MXD4: variants seen among roughly 807,000 people sequenced by gnomAD.
The protein encoded by MXD4 is MAX dimerization protein 4, also known as Mad4 homolog.
MXD4 carries 16 observed loss-of-function variants against 24.5 expected under a neutral mutation model. That is an observed-to-expected ratio of 0.65 (90% confidence interval 0.44 to 0.99). The LOEUF (loss-of-function observed/expected upper bound fraction) is 0.99, where lower values mean the gene tolerates loss of function less well. MXD4 is among the 50% of genes least tolerant of loss of function. The probability of loss-of-function intolerance (pLI) is 0.00; values close to 1 mark genes in which losing one functional copy is unlikely to be tolerated. For synonymous variants in MXD4, 164 were observed against 134.2 expected (o/e 1.22, Z -1.54); for missense variants, 301 against 301.5 (o/e 1.00, Z 0.01).
intron 3 of MXD4, chr4:2,255,115 G>T (rs1020492992): frequency 7.9e-5 from 29 of 366,740 alleles, no homozygotes; most frequent in Middle Eastern, 4.0e-4. Context: ...GGGATGAGAA[G>T]GTGGAGGAGT....
chr4:2,259,004 G>A lies in MXD4; in HGVS notation c.165-993C>T, dbSNP rs1273173262. On this transcript the variant is annotated intron_variant, in intron 2 of 5. Transcript: ENST00000337190. Reference sequence around the variant, plus strand: ...CTCCCAGCTCCAGGCCACCTTCCGTGTCCAGGCAGGACCCCACAGGCCAGC... The same window carrying A: ...CTCCCAGCTCCAGGCCACCTTCCGTATCCAGGCAGGACCCCACAGGCCAGC... 6 of 455,048 alleles carry A rather than the reference G, an allele frequency of 1.3e-5. No individual in the cohort carries two copies. In the East Asian group the frequency reaches 4.2e-4, roughly 32 times the overall value. The allele number at this position is 455,048 out of a possible 1,614,324, so 28.2% of individuals were successfully genotyped here. A position where few individuals can be genotyped will look rare whatever the true frequency, so the allele number is the denominator to read the frequency against.
At position 2,258,030 on chromosome 4, in the gene MXD4, A is replaced by G. The variant is rs1221041401; in HGVS notation, c.165-19T>C. 1 of 1,613,532 alleles carries G rather than the reference A, an allele frequency of 6.2e-7. No individual in the cohort carries two copies. Among genetic ancestry groups the G allele is most frequent in the Non-Finnish European group, 8.5e-7 (1 of 1,179,910 alleles). On this transcript the variant is annotated intron_variant, in intron 2 of 5. Coordinates refer to ENST00000337190, the MANE Select transcript of MXD4 (RefSeq NM_006454.3). Reference sequence around the variant, plus strand: ...TGAAGACCTGTTTAGAAAGACAGAAAGACAGAGCTCACTCTTCTGCCTGCC... The same window carrying G: ...TGAAGACCTGTTTAGAAAGACAGAAGGACAGAGCTCACTCTTCTGCCTGCC...
At position 2,252,758 on chromosome 4, in the gene MXD4, A is replaced by C. The variant is rs1214892738; in HGVS notation, c.195-236T>G. On this transcript the variant is annotated intron_variant, in intron 3 of 5. Transcript: ENST00000337190. ...GCGCCCAGCTCACCATGGCCTGCAA[A>C]GCCTCAGCGCGTCACCGCCAGGCAT... 1.0e-5 allele frequency: 5 copies of C among 484,188 alleles called. No individual in the cohort carries two copies. The Admixed American group carries it at 1.1e-4, about 11-fold the overall frequency. The allele number at this position is 484,188 out of a possible 1,614,324, so 30.0% of individuals were successfully genotyped here.
chr4:2,256,690 G>C (rs1735437305), intron 3 of MXD4, among the ~76,000 whole-genome samples: 1 of 152,174 alleles, frequency 6.6e-6, no homozygotes. Flanking sequence ...GCCCCATGAG[G>C]CCCTGGCTAA....
At chr4:2,261,682 G>C in intron 2 of MXD4, 43 bp downstream of exon 2, 1 of 1,170,426 alleles carries the variant, frequency 8.5e-7, no homozygotes, top group African/African-American at 1.6e-5. Context: ...CGGGGGCGGG[G>C]GTTCGGACCG....
chr4:2,256,746 G>A (rs961479850), intron 3 of MXD4, among the ~76,000 whole-genome samples: 4 of 152,150 alleles, frequency 2.6e-5, no homozygotes, highest in African/African-American at 7.2e-5. Flanking sequence ...CCAGGTCAAA[G>A]GGCAGCTGCA....
chr4:2,260,628 G>A (rs756527137), intron 2 of MXD4: 3 of 454,098 alleles, frequency 6.6e-6, no homozygotes, highest in Non-Finnish European at 1.3e-5. Context: ...GTCCCCAGTA[G>A]GGGACCAGGG....
chr4:2,261,406 C>A (rs535655992), intron 2 of MXD4, among the ~76,000 whole-genome samples: 1 of 152,196 alleles, frequency 6.6e-6, no homozygotes, highest in Non-Finnish European at 1.5e-5. Context: ...ACTTTTCTAC[C>A]GCCTGGAAAA....
chr4:2,256,970 C>G (rs1189540854), intron 3 of MXD4, among the ~76,000 whole-genome samples: 1 of 152,188 alleles, frequency 6.6e-6, no homozygotes, highest in East Asian at 1.9e-4. Context: ...CCAGGCCTGC[C>G]TGGTTCTCTT....
At chr4:2,259,421 T>C (rs1735494501) in intron 2 of MXD4, among the ~76,000 whole-genome samples, 1 of 152,184 alleles carries the variant, frequency 6.6e-6, no homozygotes, top group Non-Finnish European at 1.5e-5. Flanking sequence ...TGCTCCTCAC[T>C]GGCCTCACAG....
rs1162345842 is a variant in MXD4, at chr4:2,262,078, C to T, written c.-98G>A. On this transcript the variant is annotated 5_prime_UTR_variant, in exon 1 of 6. Coordinates refer to ENST00000337190, the MANE Select transcript of MXD4 (RefSeq NM_006454.3). Reference sequence around the variant, plus strand: ...CCGCCCACCCCGCGCGCCCGGCCGCCGCACTTCCAGACTCCGCGGACTCCG... The same window carrying T: ...CCGCCCACCCCGCGCGCCCGGCCGCTGCACTTCCAGACTCCGCGGACTCCG... 1.1e-5 allele frequency: 7 copies of T among 633,968 alleles called. No individual in the cohort carries two copies. Among genetic ancestry groups the T allele is most frequent in the Non-Finnish European group, 1.2e-5 (6 of 509,076 alleles). 39.3% of individuals were successfully genotyped at this position (633,968 alleles called of 1,614,324 possible).
intron 4 of MXD4, 87 bp downstream of exon 4, chr4:2,252,321 C>G (rs557880681): frequency 1.1e-5 from 12 of 1,112,510 alleles, no homozygotes. Flanking sequence ...CAAGGGCTGC[C>G]CAGGGTCACC....
At chr4:2,255,797 G>A (rs925927615) in intron 3 of MXD4, among the ~76,000 whole-genome samples, 6 of 152,138 alleles carry the variant, frequency 3.9e-5, no homozygotes, top group Non-Finnish European at 8.8e-5. Flanking sequence ...GCACTTCCCA[G>A]CTCCCCCAAA....
intron 1 of MXD4, 21 bp from the exon 2 acceptor site, chr4:2,261,845 C>A: frequency 7.3e-7 from 1 of 1,361,266 alleles, no homozygotes; most frequent in South Asian, 1.6e-5. Flanking sequence ...ACGGCGCGGT[C>A]AGCGGCCCCC....
chr4:2,250,540 G>T lies in MXD4; in HGVS notation c.*4C>A, dbSNP rs779760109. 2 of 1,573,330 alleles carry T rather than the reference G, an allele frequency of 1.3e-6. No individual in the cohort carries two copies. Among genetic ancestry groups the T allele is most frequent in the African/African-American group, 1.4e-5 (1 of 73,914 alleles). On this transcript the variant is annotated 3_prime_UTR_variant, in exon 6 of 6. Transcript: ENST00000337190. ...AGGCAGGCCAAGGAGCAGAGGGCAC[G>T]GGCCTACGAGAGGGCGGGGCGGCCC...
chr4:2,260,073 C>G (rs1038543145), intron 2 of MXD4, among the ~76,000 whole-genome samples: 1 of 152,240 alleles, frequency 6.6e-6, no homozygotes, highest in Non-Finnish European at 1.5e-5. Flanking sequence ...AGGAAACCTC[C>G]AGGGCAGTGC....
intron 3 of MXD4, chr4:2,253,961 AG>A (rs1454452746): frequency 1.3e-5 from 2 of 152,228 alleles, no homozygotes; most frequent in African/African-American, 2.4e-5. Context: ...CCCCCACCCC[AG>A]GAACTGTGTA....
chr4:2,261,663 C>T (rs1382569928), intron 2 of MXD4, 62 bp downstream of exon 2: 5 of 1,021,238 alleles, frequency 4.9e-6, no homozygotes, highest in Non-Finnish European at 6.1e-6. Flanking sequence ...CCGGAGAGCA[C>T]GCTCCGGGCG....
Position 2,249,304 on chromosome 4 carries a change from C to T in MXD4, c.*1240G>A, listed in dbSNP as rs1577815169. 6.5e-6 allele frequency: 1 copy of T among 152,780 alleles called. No individual in the cohort carries two copies. Among genetic ancestry groups the T allele is most frequent in the African/African-American group, 2.4e-5 (1 of 41,586 alleles). The allele number at this position is 152,780 out of a possible 1,614,324, so 9.5% of individuals were successfully genotyped here. ...GTGACGGAGGGACAGGTCCCTGAGA[C>T]GCTGGGTGGCTCCCACCCCTCAGCA... On this transcript the variant is annotated 3_prime_UTR_variant, in exon 6 of 6. Transcript: ENST00000337190.
Sources: gnomAD v4.1 joint callset for allele counts (sites outside exome capture counted in the v4.1 genomes callset) on GRCh38, gnomAD v4.1.1 for gene constraint, MANE v1.5 for transcripts, NCBI Gene and HGNC (gene_info 2026-07-23, HGNC 2026-07-21) for gene names.